MPZL3: variants seen among roughly 807,000 people sequenced by gnomAD.
MPZL3 encodes the protein myelin protein zero-like protein 3.
A neutral mutation model predicts 24.8 loss-of-function variants in MPZL3; 23 were observed. The observed-to-expected ratio is 0.93, with a 90% CI of 0.67 to 1.31. The LOEUF (loss-of-function observed/expected upper bound fraction) is 1.31. MPZL3 is among the 40% of genes most tolerant of loss of function. MPZL3 has a pLI of 0.00. For missense variants in MPZL3, 277 were observed against 294.9 expected (o/e 0.94, Z 0.44); for synonymous variants, 99 against 106.5 (o/e 0.93, Z 0.44).
chr11:118,233,918 A>C (rs1178615301), intron 4 of MPZL3, among the ~76,000 whole-genome samples: 1 of 152,204 alleles, frequency 6.6e-6, no homozygotes, highest in East Asian at 1.9e-4. Context: ...ACTTGAACTC[A>C]GAAGGCAGAG....
intron 1 of MPZL3, among the ~76,000 whole-genome samples, chr11:118,248,186 C>T (rs1211295937): frequency 1.4e-5 from 2 of 141,972 alleles, no homozygotes; most frequent in African/African-American, 5.1e-5. Flanking sequence ...AATGATTCTT[C>T]TGTATTTTTA....
rs1170684463 is a variant in MPZL3, at chr11:118,252,249, G to A, written c.46C>T (p.Pro16Ser). The change falls in exon 1 of 6, where the codon CCT (proline) becomes TCT (serine). Residue 16 changes from proline to serine, a missense_variant. Physicochemically the swap from Pro to Ser is moderately conservative, Grantham distance 74. Transcript: ENST00000278949. ...AAGSRGCALF[P>S]LLGVLFFQGV... The stretch of plus-strand genomic sequence containing the variant: ...TGGAAGAACAGGACGCCCAGCAGAG[G>A]GAAGAGAGCGCAGCCACGGCTTCCA... 4 of 1,613,962 alleles carry A rather than the reference G, an allele frequency of 2.5e-6. No homozygotes were observed. The highest frequency in any genetic ancestry group is 3.4e-6 in the Non-Finnish European group (4 of 1,179,988).
chr11:118,237,323 C>G, intron 2 of MPZL3, 63 bp from the exon 3 acceptor site: 1 of 1,428,078 alleles, frequency 7.0e-7, no homozygotes, highest in South Asian at 1.2e-5. Flanking sequence ...ATATAAAGCT[C>G]AGTAGGTCCA....
intron 1 of MPZL3, among the ~76,000 whole-genome samples, chr11:118,251,734 G>A (rs1218781825): frequency 6.6e-6 from 1 of 152,108 alleles, no homozygotes; most frequent in African/African-American, 2.4e-5. Context: ...CATCCCTTCT[G>A]TGACTAGCAA....
At chr11:118,236,523 T>A (rs1949428169) in intron 3 of MPZL3, among the ~76,000 whole-genome samples, 1 of 152,116 alleles carries the variant, frequency 6.6e-6, no homozygotes, top group Admixed American at 6.5e-5. Context: ...CACTTAATCG[T>A]CATCAGGGAA....
At chr11:118,245,047 G>T (rs1472967167) in intron 1 of MPZL3, among the ~76,000 whole-genome samples, 1 of 152,068 alleles carries the variant, frequency 6.6e-6, no homozygotes, top group Non-Finnish European at 1.5e-5. Context: ...CTACACTCCA[G>T]CCTGGGCAAC....
intron 5 of MPZL3, among the ~76,000 whole-genome samples, chr11:118,231,150 G>A (rs1949345758): frequency 1.3e-5 from 2 of 152,210 alleles, no homozygotes; most frequent in Admixed American, 6.5e-5. Flanking sequence ...CTATTCCACT[G>A]AAGATCCTTT....
chr11:118,240,206 C>T lies in MPZL3; in HGVS notation c.240+5G>A, dbSNP rs1430062058. The T allele has an allele frequency of 9.7e-6, 15 of 1,542,240 alleles. No homozygotes were observed. Among genetic ancestry groups the T allele is most frequent in the Non-Finnish European group, 1.3e-5 (15 of 1,153,132 alleles). ...AAGGAACATTCCGAAAAAGTACACA[C>T]TTACTGATACTGTGTGGCTGCTGCT... On this transcript the variant is annotated splice_donor_5th_base_variant and intron_variant, in intron 2 of 5. Coordinates refer to ENST00000278949, the MANE Select transcript of MPZL3 (RefSeq NM_198275.3).
chr11:118,235,277 C>T (rs1949408228), intron 4 of MPZL3, 147 bp downstream of exon 4: 1 of 963,370 alleles, frequency 1.0e-6, no homozygotes. Context: ...CCTTTTGGCG[C>T]CCCTTAGCAG....
chr11:118,236,708 G>C (rs1333320633), intron 3 of MPZL3, among the ~76,000 whole-genome samples: 2 of 152,112 alleles, frequency 1.3e-5, no homozygotes, highest in African/African-American at 4.8e-5. Flanking sequence ...AACATGCTAG[G>C]AAAACTGGAA....
At chr11:118,250,168 ATTTTTTTTT>A (rs71041823) in intron 1 of MPZL3, among the ~76,000 whole-genome samples, 14 of 104,250 alleles carry the variant, frequency 1.3e-4, no homozygotes, top group African/African-American at 5.0e-4. Context: ...CACCTGGCTA[ATTTTTTTTT>A]TTTTTTTTTT....
intron 3 of MPZL3, among the ~76,000 whole-genome samples, chr11:118,236,250 GT>G (rs1219585474): frequency 4.0e-5 from 6 of 151,824 alleles, no homozygotes; most frequent in Admixed American, 2.0e-4. Flanking sequence ...AAACCTACAA[GT>G]TATTACCTTT....
intron 4 of MPZL3, among the ~76,000 whole-genome samples, 166 bp from the exon 5 acceptor site, chr11:118,233,689 C>T (rs1949383429): frequency 6.6e-6 from 1 of 152,094 alleles, no homozygotes; most frequent in Non-Finnish European, 1.5e-5. Context: ...AGCCTGTTTC[C>T]TCATCTATAA....
intron 5 of MPZL3, among the ~76,000 whole-genome samples, chr11:118,230,534 C>T (rs1243585348): frequency 2.0e-5 from 3 of 152,090 alleles, no homozygotes; most frequent in Non-Finnish European, 4.4e-5. Flanking sequence ...TATTCATACT[C>T]ATATTCATTA....
chr11:118,237,104 G>A lies in MPZL3; in HGVS notation c.397C>T (p.Pro133Ser), dbSNP rs1249080349. 2 of 1,614,082 alleles carry A rather than the reference G, an allele frequency of 1.2e-6. No individual in the cohort carries two copies. Among genetic ancestry groups the A allele is most frequent in the Admixed American group, 3.3e-5 (2 of 60,020 alleles). The change falls in exon 3 of 6, where the codon CCC becomes TCC. Residue 133 changes from proline to serine, a missense_variant. By Grantham distance (74) the Pro-to-Ser change is moderately conservative (BLOSUM62 -1). Coordinates refer to ENST00000278949, the MANE Select transcript of MPZL3 (RefSeq NM_198275.3). ...GGAATATTATGATGCACATCTGGGG[G>A]ATTCTTCACAGCACAGCTGAATGTC... is the stretch of plus-strand genomic sequence containing the variant. ...NGTFSCAVKNPPDVHHNIPMT... is the reference protein window; with the variant it reads ...NGTFSCAVKNSPDVHHNIPMT...
intron 4 of MPZL3, 27 bp downstream of exon 4, chr11:118,235,397 G>T (rs528257017): frequency 6.2e-7 from 1 of 1,610,836 alleles, no homozygotes; most frequent in African/African-American, 1.3e-5. Context: ...AAACAGGCTT[G>T]CTGCCCAGGG....
rs1273417493 is a variant in MPZL3 at position 118,228,801 on chromosome 11, G to A, written c.*1093C>T. 6.6e-6 allele frequency: 1 copy of A among 152,092 alleles called. No homozygotes were observed. The highest frequency in any genetic ancestry group is 2.4e-5 in the African/African-American group (1 of 41,400). The allele number at this position is 152,092 out of a possible 1,614,324, so 9.4% of individuals were successfully genotyped here. A position where few individuals can be genotyped will look rare whatever the true frequency, so the allele number is the denominator to read the frequency against. On this transcript the variant is annotated 3_prime_UTR_variant, in exon 6 of 6. Transcript: ENST00000278949. ...AAAGAGTTTTTCTTGCCTCTGACCT[G>A]AAAATTCAAGAAGAAAAGTTGTAGT...
rs1949475517 is a variant in MPZL3, at chr11:118,240,216, C to T, written c.235G>A (p.Val79Ile). 4 of 1,561,112 alleles carry T rather than the reference C, an allele frequency of 2.6e-6. No homozygotes were observed. The highest frequency in any genetic ancestry group is 1.4e-5 in the African/African-American group (1 of 71,292). Residue 79 changes from valine (V) to isoleucine (I), a missense_variant, in exon 2 of 6, where the codon GTA becomes ATA. Physicochemically the swap from Val to Ile is conservative, Grantham distance 29. Coordinates refer to ENST00000278949, the MANE Select transcript of MPZL3 (RefSeq NM_198275.3). Reference protein sequence around the residue: ...TYRPPSSSHTVSIFHYQSFQY... With the variant: ...TYRPPSSSHTISIFHYQSFQY... ...CCGAAAAAGTACACACTTACTGATACTGTGTGGCTGCTGCTGGGAGGGCGA... is the reference window on the plus strand; with the variant it reads ...CCGAAAAAGTACACACTTACTGATATTGTGTGGCTGCTGCTGGGAGGGCGA...
At chr11:118,235,318 G>A (rs868012114) in intron 4 of MPZL3, 106 bp downstream of exon 4, 3 of 1,332,426 alleles carry the variant, frequency 2.3e-6, no homozygotes, top group Middle Eastern at 2.8e-4. Context: ...AAGTTCACCA[G>A]CAGAACTAAA....
Sources: gnomAD v4.1 joint callset for allele counts (sites outside exome capture counted in the v4.1 genomes callset) on GRCh38, gnomAD v4.1.1 for gene constraint, MANE v1.5 for transcripts, NCBI Gene and HGNC (gene_info 2026-07-23, HGNC 2026-07-21) for gene names.